ELMO1: variants seen among roughly 807,000 people sequenced by gnomAD.
ELMO1 encodes engulfment and cell motility 1, also known as engulfment and cell motility protein 1.
Under a neutral mutation model 98.9 loss-of-function variants are expected in ELMO1, and 26 were observed. That is an observed-to-expected ratio of 0.26 (90% CI 0.19 to 0.36). The LOEUF (loss-of-function observed/expected upper bound fraction) is 0.36. ELMO1 is among the 10% of genes least tolerant of loss of function. ELMO1 has a pLI of 1.00. For missense variants in ELMO1, 627 were observed against 935.2 expected (o/e 0.67, Z 4.30); for synonymous variants, 346 against 346.0 (o/e 1.00, Z 0.00).
At chr7:37,334,813 G>A (rs1407333647) in intron 2 of ELMO1, among the ~76,000 whole-genome samples, 2 of 152,204 alleles carry the variant, frequency 1.3e-5, no homozygotes. Context: ...AAATATGGTA[G>A]TTGAAAAACT....
At chr7:36,899,156 G>C (rs1562807603) in intron 16 of ELMO1, among the ~76,000 whole-genome samples, 1 of 152,234 alleles carries the variant, frequency 6.6e-6, no homozygotes, top group Non-Finnish European at 1.5e-5. Flanking sequence ...AGGTGTGGTT[G>C]AAAGGCAAGT....
intron 1 of ELMO1, among the ~76,000 whole-genome samples, chr7:37,421,244 C>G (rs183627371): frequency 7.0e-4 from 107 of 152,340 alleles, no homozygotes; most frequent in South Asian, 1.2e-3. Context: ...AAGAGAAAAA[C>G]AGACACAAAT....
intron 10 of ELMO1, 63 bp downstream of exon 10, chr7:37,222,552 C>T (rs1366472303): frequency 1.0e-5 from 15 of 1,491,664 alleles, no homozygotes; most frequent in East Asian, 2.3e-5. Flanking sequence ...AAGGAGAGGG[C>T]GTTCTCTGCA....
intron 13 of ELMO1, among the ~76,000 whole-genome samples, chr7:37,194,935 A>C (rs1366927401): frequency 6.6e-6 from 1 of 152,216 alleles, no homozygotes; most frequent in Non-Finnish European, 1.5e-5. Flanking sequence ...TCATTCATTC[A>C]TTCAACACAC....
chr7:37,222,485 T>A, intron 10 of ELMO1, 130 bp downstream of exon 10: 1 of 904,388 alleles, frequency 1.1e-6, no homozygotes, highest in South Asian at 1.6e-5. Flanking sequence ...ACATAGCTGC[T>A]CTGGAGAGTC....
At chr7:37,376,109 C>T in intron 1 of ELMO1, 1 of 333,290 alleles carries the variant, frequency 3.0e-6, no homozygotes, top group Non-Finnish European at 5.8e-6. Flanking sequence ...AAAAAAAACA[C>T]TGATTCTTAC....
At chr7:36,889,935 C>A (rs1279678916) in intron 17 of ELMO1, among the ~76,000 whole-genome samples, 5 of 152,240 alleles carry the variant, frequency 3.3e-5, no homozygotes, top group South Asian at 4.1e-4. Flanking sequence ...CCCACCAGCT[C>A]TTTCTTTTTC....
chr7:36,977,420 C>T (rs185967905), intron 16 of ELMO1, among the ~76,000 whole-genome samples: 62 of 152,324 alleles, frequency 4.1e-4, no homozygotes, highest in African/African-American at 1.3e-3. Flanking sequence ...CAGATCACCA[C>T]ACACAGTGGA....
chr7:36,865,445 C>A (rs7782979), intron 20 of ELMO1, among the ~76,000 whole-genome samples: 69,728 of 152,042 alleles, frequency 0.46, 16,550 homozygotes, highest in Non-Finnish European at 0.52. Flanking sequence ...CAGGCAGTTA[C>A]AACTCTCCAG....
At chr7:37,067,280 AAAAG>A (rs1353753126) in intron 15 of ELMO1, among the ~76,000 whole-genome samples, 1 of 152,182 alleles carries the variant, frequency 6.6e-6, no homozygotes, top group Non-Finnish European at 1.5e-5. Flanking sequence ...CCATCAATTG[AAAAG>A]AAAGTAAGAA....
intron 14 of ELMO1, among the ~76,000 whole-genome samples, chr7:37,112,644 T>C (rs1380913364): frequency 6.6e-6 from 1 of 152,240 alleles, no homozygotes; most frequent in Non-Finnish European, 1.5e-5. Context: ...GTTATATCTG[T>C]TATTAAAATT....
Position 37,342,551 on chromosome 7 carries a change from A to G in ELMO1, c.78+62T>C. ...GAGAAGAGTGAGCTATCCAAAGTCT[A>G]TGAAAATTCCAGTATAGAAAGGAAA... On this transcript the variant is annotated intron_variant, in intron 2 of 21. Transcript: ENST00000310758. This position sits in a 1 kb window ranked among gnomAD's most constrained non-coding sequence, Gnocchi z 4.3. The G allele has an allele frequency of 3.3e-6, 5 of 1,521,962 alleles. No individual in the cohort carries two copies. Among genetic ancestry groups the G allele is most frequent in the Non-Finnish European group, 3.6e-6 (4 of 1,096,116 alleles). 94.3% of individuals were successfully genotyped at this position (1,521,962 alleles called of 1,614,324 possible). A position where few individuals can be genotyped will look rare whatever the true frequency, so the allele number is the denominator to read the frequency against.
At chr7:36,958,604 G>A (rs900256522) in intron 16 of ELMO1, among the ~76,000 whole-genome samples, 6 of 152,182 alleles carry the variant, frequency 3.9e-5, no homozygotes, top group African/African-American at 1.4e-4. Context: ...CCTCCATGAG[G>A]TCAAATCTGA....
chr7:37,176,742 C>T (rs994859882), intron 13 of ELMO1, among the ~76,000 whole-genome samples: 3 of 152,332 alleles, frequency 2.0e-5, no homozygotes, highest in Admixed American at 1.3e-4. Context: ...CTAACGGATG[C>T]ACTGTCATGG....
intron 1 of ELMO1, among the ~76,000 whole-genome samples, chr7:37,435,960 A>ATTGATC (rs1159530172): frequency 6.6e-6 from 1 of 152,242 alleles, no homozygotes; most frequent in Admixed American, 6.5e-5. Flanking sequence ...TAGCAGGTTC[A>ATTGATC]ACTGAGGCAA....
rs1286939241 is a variant in ELMO1, at chr7:36,853,861, C to A, written c.*1690G>T. ...CTGATAATGCCTCCAGTGCAAATGA[C>A]TTAAGAAACATCCTTCGCTGGGCTC... On this transcript the variant is annotated 3_prime_UTR_variant, in exon 22 of 22. Coordinates refer to ENST00000310758, the MANE Select transcript of ELMO1 (RefSeq NM_014800.11). 6.6e-6 allele frequency among the ~76,000 whole-genome samples: 1 copy of A among 152,188 alleles called. No individual in the cohort carries two copies. Among genetic ancestry groups the A allele is most frequent in the Non-Finnish European group, 1.5e-5 (1 of 68,040 alleles).
At chr7:36,996,510 A>T (rs143004671) in intron 16 of ELMO1, among the ~76,000 whole-genome samples, 1 of 152,304 alleles carries the variant, frequency 6.6e-6, no homozygotes, top group East Asian at 1.9e-4. Context: ...AAACAGAGAG[A>T]GTAGATATGA....
chr7:37,245,407 TCA>T (rs1794951700), intron 6 of ELMO1, among the ~76,000 whole-genome samples: 1 of 152,160 alleles, frequency 6.6e-6, no homozygotes, highest in African/African-American at 2.4e-5. Flanking sequence ...TCAGAAATTT[TCA>T]CATTCTCAAC....
chr7:36,973,818 T>C (rs543630550), intron 16 of ELMO1, among the ~76,000 whole-genome samples: 427 of 152,324 alleles, frequency 2.8e-3, no homozygotes, highest in Non-Finnish European at 4.3e-3. Context: ...GGGCGTGGTC[T>C]TGGCGGCCCG....
Sources: gnomAD v4.1 joint callset for allele counts (sites outside exome capture counted in the v4.1 genomes callset) on GRCh38, gnomAD v4.1.1 for gene constraint, Gnocchi (gnomAD v3.1) non-coding constraint, MANE v1.5 for transcripts, NCBI Gene and HGNC (gene_info 2026-07-23, HGNC 2026-07-21) for gene names.